BTG4: variants seen among roughly 807,000 people sequenced by gnomAD.
BTG4 encodes the protein protein BTG4.
In BTG4, 10 loss-of-function variants were observed where a neutral mutation model predicts 19.3. That is an observed-to-expected ratio of 0.52 (90% CI 0.32 to 0.88). The LOEUF (loss-of-function observed/expected upper bound fraction) is 0.88. Ranked by LOEUF, BTG4 falls within the 40% of genes least tolerant of loss-of-function variation. The pLI, the probability that BTG4 is intolerant of heterozygous loss-of-function variation, is 0.04. For missense variants in BTG4, 238 were observed against 281.9 expected (o/e 0.84, Z 1.11); for synonymous variants, 91 against 95.7 (o/e 0.95, Z 0.29).
At chr11:111,427,848 T>C in the BTG4 span, among the ~76,000 whole-genome samples, 1 of 152,156 alleles carries the variant, frequency 6.6e-6, no homozygotes, top group African/African-American at 2.4e-5. Context: ...CCTTCCTGGG[T>C]TGACTTCATA....
chr11:111,432,958 C>T, the BTG4 span, among the ~76,000 whole-genome samples: 2 of 152,066 alleles, frequency 1.3e-5, no homozygotes, highest in Non-Finnish European at 2.9e-5. Flanking sequence ...TCCCAAAGTG[C>T]TGGTATTACA....
the BTG4 span, chr11:111,453,583 G>A: frequency 2.2e-6 from 1 of 448,828 alleles, no homozygotes; most frequent in Non-Finnish European, 4.5e-6. Flanking sequence ...GGGGGGTCCT[G>A]GTGAGTGACA....
At chr11:111,410,129 T>C in the BTG4 span, among the ~76,000 whole-genome samples, 1 of 152,152 alleles carries the variant, frequency 6.6e-6, no homozygotes. Context: ...ATTTAACTGC[T>C]CTAAGCCTCA....
intron 4 of BTG4, among the ~76,000 whole-genome samples, chr11:111,496,105 A>G (rs910821895): frequency 6.6e-6 from 1 of 152,246 alleles, no homozygotes; most frequent in African/African-American, 2.4e-5. Flanking sequence ...GCTGAATAAG[A>G]GAAAATTTGT....
downstream of BTG4, among the ~76,000 whole-genome samples, chr11:111,492,811 G>A (rs181718234): frequency 3.1e-4 from 47 of 152,254 alleles, no homozygotes; most frequent in African/African-American, 1.1e-3. Flanking sequence ...GATACCCAAA[G>A]ATCAAGAGGG....
chr11:111,442,703 G>C, the BTG4 span, among the ~76,000 whole-genome samples: 1 of 24,966 alleles, frequency 4.0e-5, no homozygotes, highest in Non-Finnish European at 1.7e-4. Flanking sequence ...CATTTTGAAA[G>C]ACAGGGAAAA....
downstream of BTG4, among the ~76,000 whole-genome samples, chr11:111,490,279 T>TAA (rs143924823): frequency 0.52 from 78,774 of 150,426 alleles, 22,893 homozygotes; most frequent in South Asian, 0.72. Flanking sequence ...ATCTCAAAAA[T>TAA]AAAAAAAATA....
chr11:111,388,642 C>T, the BTG4 span, among the ~76,000 whole-genome samples: 1 of 152,276 alleles, frequency 6.6e-6, no homozygotes, highest in South Asian at 2.1e-4. Context: ...GTGGTTCTCC[C>T]AAGGAATAGT....
chr11:111,453,524 C>A, the BTG4 span: 5 of 456,532 alleles, frequency 1.1e-5, no homozygotes, highest in African/African-American at 2.0e-5. Context: ...GGGATAATGT[C>A]AATAAGGAGA....
At chr11:111,484,212 A>T (rs956435902) in intron 5 of BTG4, among the ~76,000 whole-genome samples, 2 of 152,160 alleles carry the variant, frequency 1.3e-5, no homozygotes, top group Admixed American at 1.3e-4. Flanking sequence ...CTTACAAGAA[A>T]TCTAAAGAAA....
intron 5 of BTG4, among the ~76,000 whole-genome samples, chr11:111,481,701 T>A (rs146878601): frequency 0.011 from 1,645 of 151,912 alleles, 20 homozygotes; most frequent in African/African-American, 0.037. Flanking sequence ...AATCCACATG[T>A]CAATAGGCTA....
At chr11:111,498,221 C>A (rs1431552100) in intron 2 of BTG4, 86 bp from the exon 3 acceptor site, 68 of 1,451,600 alleles carry the variant, frequency 4.7e-5, no homozygotes, top group Non-Finnish European at 5.7e-5. Context: ...TTCCAATACA[C>A]ATAGCTCCCA....
chr11:111,490,279 T>TA (rs143924823), downstream of BTG4, among the ~76,000 whole-genome samples: 19 of 150,650 alleles, frequency 1.3e-4, no homozygotes, highest in South Asian at 4.2e-4. Context: ...ATCTCAAAAA[T>TA]AAAAAAAATA....
At chr11:111,438,453 C>T in the BTG4 span, among the ~76,000 whole-genome samples, 3 of 152,190 alleles carry the variant, frequency 2.0e-5, no homozygotes, top group Non-Finnish European at 2.9e-5. Context: ...AAACCTTCCT[C>T]GACCCCTTCA....
chr11:111,492,788 T>C (rs145346370), downstream of BTG4, among the ~76,000 whole-genome samples: 3 of 152,102 alleles, frequency 2.0e-5, no homozygotes, highest in African/African-American at 7.2e-5. Context: ...CTGGAAGAGG[T>C]AGCATCTCAA....
downstream of BTG4, among the ~76,000 whole-genome samples, chr11:111,466,393 C>T (rs1863720269): frequency 6.6e-6 from 1 of 152,178 alleles, no homozygotes; most frequent in Non-Finnish European, 1.5e-5. Context: ...TTGCTGAATG[C>T]TTTCTATGTA....
the BTG4 span, among the ~76,000 whole-genome samples, chr11:111,398,610 T>C: frequency 3.3e-5 from 5 of 152,088 alleles, no homozygotes; most frequent in East Asian, 9.7e-4. Flanking sequence ...CCCACCACCA[T>C]GCCCGGCTAA....
intron 5 of BTG4, among the ~76,000 whole-genome samples, chr11:111,478,211 C>A (rs1864512153): frequency 6.6e-6 from 1 of 152,128 alleles, no homozygotes; most frequent in Non-Finnish European, 1.5e-5. Flanking sequence ...CCACCCTGGC[C>A]TCAGTGTTAG....
chr11:111,434,642 T>C, the BTG4 span, among the ~76,000 whole-genome samples: 1 of 151,108 alleles, frequency 6.6e-6, no homozygotes, highest in Non-Finnish European at 1.5e-5. Flanking sequence ...AGATAATACA[T>C]ATCAAGTACT....
Sources: allele counts gnomAD v4.1 joint callset (sites outside exome capture counted in the v4.1 genomes callset), GRCh38; gene constraint gnomAD v4.1.1; transcripts MANE v1.5; gene names NCBI Gene and HGNC (gene_info 2026-07-23, HGNC 2026-07-21).